The following LARGE1 variants were observed in gnomAD, a reference collection of about 807,000 sequenced individuals.
LARGE1 encodes the protein xylosyl- and glucuronyltransferase LARGE1.
Under a neutral mutation model 87.6 loss-of-function variants are expected in LARGE1, and 43 were observed. The ratio of observed to expected loss-of-function variants is 0.49; its 90% CI spans 0.38 to 0.63. The LOEUF (loss-of-function observed/expected upper bound fraction) is 0.63. Among genes scored for constraint, LARGE1 ranks in the 30% least tolerant of loss-of-function variants. The pLI is 0.00. For missense variants in LARGE1, 802 were observed against 1,000.2 expected (o/e 0.80, Z 2.67); for synonymous variants, 434 against 394.6 (o/e 1.10, Z -1.18).
At chr22:33,508,107 C>G (rs2070851733) in intron 6 of LARGE1, among the ~76,000 whole-genome samples, 1 of 152,198 alleles carries the variant, frequency 6.6e-6, no homozygotes, top group Admixed American at 6.5e-5. Flanking sequence ...CATCTGCCAG[C>G]CTCAAAAACT....
intron 6 of LARGE1, among the ~76,000 whole-genome samples, chr22:33,442,794 CTTT>C (rs559941819): frequency 2.9e-5 from 4 of 140,150 alleles, no homozygotes; most frequent in African/African-American, 2.6e-5. Context: ...ATACTGATAG[CTTT>C]TTTTTTTTTT....
intron 1 of LARGE1, among the ~76,000 whole-genome samples, chr22:33,796,369 G>T (rs2085982535): frequency 6.6e-6 from 1 of 152,112 alleles, no homozygotes. Flanking sequence ...ACAGAGTTTG[G>T]AGAGAAGGCT....
At chr22:33,726,079 T>C (rs988785933) in intron 2 of LARGE1, 1 of 149,896 alleles carries the variant, frequency 6.7e-6, no homozygotes, top group African/African-American at 2.5e-5. Context: ...AATCACTATT[T>C]ATTTTCACAG....
chr22:33,917,830 C>T (rs941403412), intron 1 of LARGE1, among the ~76,000 whole-genome samples: 1 of 152,154 alleles, frequency 6.6e-6, no homozygotes, highest in Non-Finnish European at 1.5e-5. Flanking sequence ...TGTACTAGAT[C>T]CCAAAAAGTT....
intron 1 of LARGE1, among the ~76,000 whole-genome samples, chr22:33,814,831 T>C (rs1409723933): frequency 1.3e-5 from 2 of 152,200 alleles, no homozygotes; most frequent in African/African-American, 2.4e-5. Context: ...TGTAATTTCA[T>C]ACAGGCTATT....
intron 1 of LARGE1, among the ~76,000 whole-genome samples, chr22:33,797,496 C>G (rs1169258204): frequency 6.6e-6 from 1 of 152,172 alleles, no homozygotes; most frequent in Non-Finnish European, 1.5e-5. Flanking sequence ...GTGACTGATT[C>G]CAATGGGCAT....
At chr22:33,338,480 T>A (rs760046454) in intron 9 of LARGE1, among the ~76,000 whole-genome samples, 1 of 152,136 alleles carries the variant, frequency 6.6e-6, no homozygotes. Flanking sequence ...TCCTCCTATT[T>A]CTTCAGCTCT....
rs1344397922 is a variant in LARGE1, at chr22:33,850,724, T to A, written c.-83+69271A>T. Among the ~76,000 whole-genome samples, 5 of 152,096 alleles carry A rather than the reference T, an allele frequency of 3.3e-5. No homozygotes were observed. In the East Asian group the frequency reaches 7.7e-4, roughly 24 times the overall value. ...CCATTTAAATCCTTGAACAACCAAG[T>A]CTGACTCAGAGTGGAGGGGGATAGG... is the stretch of plus-strand genomic sequence containing the variant. On this transcript the variant is annotated intron_variant, in intron 1 of 14. Transcript: ENST00000397394.
chr22:33,182,840 C>T (rs1239438632), intron 11 of LARGE1, among the ~76,000 whole-genome samples: 2 of 152,064 alleles, frequency 1.3e-5, no homozygotes, highest in Non-Finnish European at 2.9e-5. Flanking sequence ...TTAAGTGTAA[C>T]ACCTGAAACC....
intron 11 of LARGE1, among the ~76,000 whole-genome samples, chr22:33,200,761 CCA>C (rs1924340973): frequency 6.6e-6 from 1 of 152,084 alleles, no homozygotes; most frequent in Non-Finnish European, 1.5e-5. Flanking sequence ...ATAGTCAGAT[CCA>C]TAAAGACAGA....
At chr22:33,198,196 A>G (rs1924176860) in intron 11 of LARGE1, among the ~76,000 whole-genome samples, 1 of 152,216 alleles carries the variant, frequency 6.6e-6, no homozygotes, top group African/African-American at 2.4e-5. Context: ...TTTTAAAAAT[A>G]TAACAAGTAC....
At chr22:33,363,072 A>T (rs1192740558) in intron 9 of LARGE1, among the ~76,000 whole-genome samples, 1 of 150,152 alleles carries the variant, frequency 6.7e-6, no homozygotes, top group African/African-American at 2.4e-5. Context: ...CTGACCCAGC[A>T]TGGGGCTCCC....
At chr22:33,461,673 G>C (rs5998950) in intron 6 of LARGE1, among the ~76,000 whole-genome samples, 2 of 134,820 alleles carry the variant, frequency 1.5e-5, no homozygotes, top group Non-Finnish European at 3.2e-5. Flanking sequence ...AAAGAAAAAA[G>C]AAAAAAAAAG....
intron 2 of LARGE1, among the ~76,000 whole-genome samples, chr22:33,745,649 C>T (rs1487271596): frequency 2.3e-4 from 35 of 152,312 alleles, no homozygotes; most frequent in Non-Finnish European, 1.0e-4. Flanking sequence ...GCCCGGTTCT[C>T]GCTACTGCTT....
intron 6 of LARGE1, among the ~76,000 whole-genome samples, chr22:33,556,922 C>T (rs1351561229): frequency 6.6e-6 from 1 of 152,124 alleles, no homozygotes; most frequent in Non-Finnish European, 1.5e-5. Context: ...AGGGGAATCA[C>T]TTGAACCCGG....
intron 10 of LARGE1, among the ~76,000 whole-genome samples, chr22:33,319,146 G>A (rs757854607): frequency 1.9e-4 from 29 of 152,102 alleles, no homozygotes; most frequent in Non-Finnish European, 3.8e-4. Context: ...TTACTAAAGC[G>A]GCACAGTTTA....
chr22:33,639,010 G>A (rs936210801), intron 3 of LARGE1, among the ~76,000 whole-genome samples: 2 of 152,196 alleles, frequency 1.3e-5, no homozygotes, highest in Non-Finnish European at 2.9e-5. Context: ...TATGTGCTGA[G>A]TGGGCTTTTG....
intron 9 of LARGE1, among the ~76,000 whole-genome samples, chr22:33,355,280 T>G (rs1282316587): frequency 6.6e-6 from 1 of 152,226 alleles, no homozygotes; most frequent in Non-Finnish European, 1.5e-5. Flanking sequence ...GTTCACATTA[T>G]GTGGAAATTA....
intron 2 of LARGE1, among the ~76,000 whole-genome samples, chr22:33,760,526 G>A (rs1052964852): frequency 1.6e-4 from 24 of 152,262 alleles, no homozygotes; most frequent in African/African-American, 5.1e-4. Flanking sequence ...GCAACGTGCC[G>A]CGATCATTTC....
Sources: allele counts gnomAD v4.1 joint callset (sites outside exome capture counted in the v4.1 genomes callset), GRCh38; gene constraint gnomAD v4.1.1; transcripts MANE v1.5; gene names NCBI Gene and HGNC (gene_info 2026-07-23, HGNC 2026-07-21).